Variants in TLL1 observed in about 807,000 individuals in gnomAD.
TLL1 encodes the protein tolloid like 1, also known as tolloid-like protein 1.
TLL1 carries 49 observed loss-of-function variants against 128.2 expected under a neutral mutation model. That is an observed-to-expected ratio of 0.38 (90% CI 0.30 to 0.48). The LOEUF (loss-of-function observed/expected upper bound fraction) is 0.48. TLL1 is among the 20% of genes least tolerant of loss of function. The pLI is 0.96. For synonymous variants in TLL1, 454 were observed against 418.8 expected, an observed-to-expected ratio of 1.08 and a Z score of -1.03; for missense variants, 1,123 against 1,242.0, an observed-to-expected ratio of 0.90 and a Z score of 1.44.
At chr4:165,991,090 A>G (rs1447206693) in intron 2 of TLL1, among the ~76,000 whole-genome samples, 2 of 152,002 alleles carry the variant, frequency 1.3e-5, no homozygotes, top group Non-Finnish European at 2.9e-5. Flanking sequence ...CATTAGCTCT[A>G]AGCTTTAGAT....
At position 165,953,477 on chromosome 4, in the gene TLL1, C is replaced by A. The variant is rs151039823; in HGVS notation, c.170-35904C>A. Among the ~76,000 whole-genome samples the A allele has an allele frequency of 1.0e-2, 1,511 of 151,392 alleles. 26 individuals carry two copies. The highest frequency in any genetic ancestry group is 0.035 in the African/African-American group (1,441 of 41,248). On this transcript the variant is annotated intron_variant, in intron 1 of 20. Transcript: ENST00000061240. Reference sequence around the variant, plus strand: ...CTTGACGGAGCATCTATTTATATATCACCTCATGCTGCAGCATCCAGCTGG... The same window carrying A: ...CTTGACGGAGCATCTATTTATATATAACCTCATGCTGCAGCATCCAGCTGG...
intron 9 of TLL1, among the ~76,000 whole-genome samples, chr4:166,034,816 AATTT>A (rs1388196154): frequency 6.6e-6 from 1 of 152,128 alleles, no homozygotes; most frequent in African/African-American, 2.4e-5. Flanking sequence ...GGACAATAGA[AATTT>A]ATTTCTCACT....
chr4:166,037,096 T>G (rs935431959), intron 9 of TLL1, among the ~76,000 whole-genome samples: 1 of 152,140 alleles, frequency 6.6e-6, no homozygotes, highest in Non-Finnish European at 1.5e-5. Flanking sequence ...TGTAATCATA[T>G]AGAGTTGAAA....
chr4:165,987,658 C>T (rs1736449378), intron 1 of TLL1, among the ~76,000 whole-genome samples: 1 of 152,068 alleles, frequency 6.6e-6, no homozygotes, highest in South Asian at 2.1e-4. Flanking sequence ...TGATAACCTA[C>T]ATTTTACTAA....
At chr4:166,065,111 G>T (rs1740510363) in intron 15 of TLL1, among the ~76,000 whole-genome samples, 1 of 151,976 alleles carries the variant, frequency 6.6e-6, no homozygotes, top group Non-Finnish European at 1.5e-5. Flanking sequence ...ATCAGAATGA[G>T]GCTACCTTAT....
chr4:166,060,190 T>C lies in TLL1; in HGVS notation c.2007+2T>C. ...TTTTTTGAATTGGAAGGCAATGAAG[T>C]AAGTGAACAATAACTGTAATTTTTT... On this transcript the variant is annotated splice_donor_variant, in intron 15 of 20. Coordinates refer to ENST00000061240, the MANE Select transcript of TLL1 (RefSeq NM_012464.5). LOFTEE classifies it high-confidence loss of function. 1 of 1,613,084 alleles carries C rather than the reference T, an allele frequency of 6.2e-7. No individual in the cohort carries two copies. Among genetic ancestry groups the C allele is most frequent in the Non-Finnish European group, 8.5e-7 (1 of 1,179,686 alleles).
intron 1 of TLL1, among the ~76,000 whole-genome samples, chr4:165,907,066 A>T (rs189457691): frequency 3.0e-4 from 45 of 152,268 alleles, no homozygotes; most frequent in African/African-American, 9.9e-4. Context: ...TTTTTCTTGA[A>T]ACTTCAGTTT....
intron 1 of TLL1, among the ~76,000 whole-genome samples, chr4:165,989,140 A>G (rs894989076): frequency 6.6e-6 from 1 of 152,062 alleles, no homozygotes; most frequent in Non-Finnish European, 1.5e-5. Flanking sequence ...TTCTTATTCA[A>G]GGAAACTACT....
At chr4:165,883,721 T>G (rs1731058178) in intron 1 of TLL1, among the ~76,000 whole-genome samples, 1 of 152,206 alleles carries the variant, frequency 6.6e-6, no homozygotes, top group African/African-American at 2.4e-5. Context: ...TAAATGTCTT[T>G]GTTTCTTCCC....
chr4:165,960,507 C>T (rs751464853), intron 1 of TLL1, among the ~76,000 whole-genome samples: 21 of 151,842 alleles, frequency 1.4e-4, no homozygotes, highest in African/African-American at 3.4e-4. Context: ...AGAGACACAA[C>T]GAAAAAAGAA....
chr4:166,023,929 A>T (rs1330844560), intron 8 of TLL1, among the ~76,000 whole-genome samples: 3 of 151,324 alleles, frequency 2.0e-5, no homozygotes, highest in Non-Finnish European at 1.5e-5. Context: ...TTTTTTTTAT[A>T]GAAACACACT....
chr4:165,989,073 C>T (rs555874423), intron 1 of TLL1, among the ~76,000 whole-genome samples: 1 of 152,034 alleles, frequency 6.6e-6, no homozygotes, highest in Non-Finnish European at 1.5e-5. Flanking sequence ...CAGATATTTG[C>T]GAATTAGCTC....
At position 165,901,972 on chromosome 4, in the gene TLL1, G is replaced by T. The variant is rs541065078; in HGVS notation, c.169+27899G>T. Among the ~76,000 whole-genome samples the T allele has an allele frequency of 3.6e-4, 55 of 152,290 alleles. 2 individuals carry two copies. The South Asian group carries it at 0.011, about 30-fold the overall frequency. On this transcript the variant is annotated intron_variant, in intron 1 of 20. Coordinates refer to ENST00000061240, the MANE Select transcript of TLL1 (RefSeq NM_012464.5). Reference sequence around the variant, plus strand: ...GAGGAGGAATCTAGAGAGGCAGTCTGGTTACAGTGGCTTTGCCGAGCTGTG... The same window carrying T: ...GAGGAGGAATCTAGAGAGGCAGTCTTGTTACAGTGGCTTTGCCGAGCTGTG...
chr4:165,970,466 A>G (rs146946022), intron 1 of TLL1, among the ~76,000 whole-genome samples: 69 of 152,276 alleles, frequency 4.5e-4, no homozygotes, highest in African/African-American at 1.5e-3. Context: ...GTTAATTCCC[A>G]TACTCAATAT....
chr4:166,079,812 A>T (rs1005584404), intron 18 of TLL1, among the ~76,000 whole-genome samples: 1 of 152,100 alleles, frequency 6.6e-6, no homozygotes, highest in African/African-American at 2.4e-5. Flanking sequence ...GTTATTCCTC[A>T]ACTCTTGGAT....
chr4:166,070,730 C>T (rs1237192720), intron 16 of TLL1, among the ~76,000 whole-genome samples: 1 of 151,884 alleles, frequency 6.6e-6, no homozygotes, highest in African/African-American at 2.4e-5. Context: ...CAAGTGATTT[C>T]AATTGACATG....
At chr4:166,074,599 C>T (rs537354720) in intron 16 of TLL1, among the ~76,000 whole-genome samples, 2 of 152,166 alleles carry the variant, frequency 1.3e-5, no homozygotes, top group African/African-American at 2.4e-5. Context: ...CTTTCTCCTA[C>T]CTAAAACTTC....
At chr4:166,030,355 A>T (rs1426233644) in intron 9 of TLL1, 4 of 408,472 alleles carry the variant, frequency 9.8e-6, no homozygotes, top group African/African-American at 6.1e-5. Context: ...AAATCAGATT[A>T]TTTGATTTTG....
chr4:165,974,888 C>A (rs1184895594), intron 1 of TLL1, among the ~76,000 whole-genome samples: 4 of 152,104 alleles, frequency 2.6e-5, no homozygotes, highest in Non-Finnish European at 5.9e-5. Flanking sequence ...AGGAGGCAGA[C>A]CCTGTGATAG....
Sources: gnomAD v4.1 joint callset for allele counts (sites outside exome capture counted in the v4.1 genomes callset) on GRCh38, gnomAD v4.1.1 for gene constraint, MANE v1.5 for transcripts, NCBI Gene and HGNC (gene_info 2026-07-23, HGNC 2026-07-21) for gene names.